The following LSP1 variants were observed in gnomAD, a reference collection of about 807,000 sequenced individuals.
The protein encoded by LSP1 is lymphocyte specific protein 1.
LSP1 carries 32 observed loss-of-function variants against 49.3 expected under a neutral mutation model. The ratio of observed to expected loss-of-function variants is 0.65; its 90% CI spans 0.49 to 0.87. LSP1 has a LOEUF of 0.87. LSP1 is among the 40% of genes least tolerant of loss of function. LSP1 has a pLI of 0.00. For synonymous variants in LSP1, 179 were observed against 178.8 expected, an observed-to-expected ratio of 1.00 and a Z score of -0.01; for missense variants, 428 against 442.6, an observed-to-expected ratio of 0.97 and a Z score of 0.30.
At chr11:1,853,399 G>C (rs1448941540) in intron 1 of LSP1, among the ~76,000 whole-genome samples, 2 of 152,212 alleles carry the variant, frequency 1.3e-5, no homozygotes, top group Non-Finnish European at 2.9e-5. Flanking sequence ...TCACAACAAG[G>C]GTGGAGGTCT....
At chr11:1,887,630 C>T in intron 10 of LSP1, 54 bp downstream of exon 10, 6 of 1,478,698 alleles carry the variant, frequency 4.1e-6, no homozygotes, top group Non-Finnish European at 4.7e-6. Context: ...GTGCACTGTG[C>T]TGGGAACTTG....
chr11:1,887,610 G>T, intron 10 of LSP1, 34 bp downstream of exon 10: 1 of 1,529,186 alleles, frequency 6.5e-7, no homozygotes, highest in Non-Finnish European at 9.0e-7. Context: ...AGGGGATGAG[G>T]TGCACACACG....
At chr11:1,886,953 C>A in intron 8 of LSP1, 87 bp downstream of exon 8, 1 of 1,499,764 alleles carries the variant, frequency 6.7e-7, no homozygotes, top group South Asian at 1.3e-5. Flanking sequence ...TTAAGACAAG[C>A]ATGGGACTGT....
intron 1 of LSP1, among the ~76,000 whole-genome samples, chr11:1,862,710 C>T (rs1208306620): frequency 2.0e-5 from 3 of 149,188 alleles, no homozygotes; most frequent in African/African-American, 5.2e-5. Context: ...GTGATCTCAC[C>T]TCCCCTGGGT....
At chr11:1,854,220 G>A (rs1025188092) in intron 1 of LSP1, among the ~76,000 whole-genome samples, 18 of 152,270 alleles carry the variant, frequency 1.2e-4, no homozygotes, top group Admixed American at 2.0e-4. Context: ...CCTGGTGTGC[G>A]GAAGGGAAGG....
intron 1 of LSP1, among the ~76,000 whole-genome samples, chr11:1,868,481 A>G (rs1361692322): frequency 6.6e-6 from 1 of 152,136 alleles, no homozygotes; most frequent in Non-Finnish European, 1.5e-5. Context: ...ACCCACCCTG[A>G]GCAGCCTGGT....
intron 10 of LSP1, chr11:1,890,125 C>T (rs774529804): frequency 2.9e-4 from 211 of 717,118 alleles, no homozygotes; most frequent in Non-Finnish European, 4.8e-4. Context: ...GCCGAGGCTA[C>T]AACCTGGGGC....
intron 1 of LSP1, among the ~76,000 whole-genome samples, chr11:1,874,008 A>AG: frequency 7.2e-6 from 1 of 139,278 alleles, no homozygotes; most frequent in Non-Finnish European, 1.5e-5. Context: ...CTGGCAGAGC[A>AG]GGGAGGCCGG....
chr11:1,856,736 G>A (rs1847499196), intron 1 of LSP1, among the ~76,000 whole-genome samples: 1 of 152,190 alleles, frequency 6.6e-6, no homozygotes, highest in African/African-American at 2.4e-5. Flanking sequence ...CCCATGGGAT[G>A]GAACCCCCCA....
chr11:1,865,178 C>A, intron 1 of LSP1: 1 of 985,934 alleles, frequency 1.0e-6, no homozygotes, highest in African/African-American at 1.7e-5. Context: ...CAGGCCAGGT[C>A]GCCGCCTGAG....
chr11:1,859,561 T>G (rs938838434), intron 1 of LSP1: 1 of 154,528 alleles, frequency 6.5e-6, no homozygotes, highest in African/African-American at 2.4e-5. Context: ...GGACTTGGGA[T>G]AGAAGGATCT....
At chr11:1,867,566 C>T (rs937715772) in intron 1 of LSP1, among the ~76,000 whole-genome samples, 5 of 152,084 alleles carry the variant, frequency 3.3e-5, no homozygotes, top group South Asian at 2.1e-4. Context: ...GCCACTCAGC[C>T]GGGCATGATG....
chr11:1,874,157 CCGGGGACAGTGGGAGCAGTGT>C lies in LSP1; in HGVS notation c.54-5916_54-5896del, dbSNP rs532950240. Among the ~76,000 whole-genome samples the C allele has an allele frequency of 4.7e-3, 441 of 93,592 alleles. 69 individuals are homozygous for C. The highest frequency in any genetic ancestry group is 6.2e-3 in the Middle Eastern group (1 of 162). The allele number at this position is 93,592 out of a possible 152,430, so 61.4% of individuals were successfully genotyped here. ...GCAGGCCGGGGACAGTGGGGGCAGG[CCGGGGACAGTGGGAGCAGTGT>C]CGGGGACAGTGGGGGCAGGCTGGGG... is the stretch of plus-strand genomic sequence containing the variant. On this transcript the variant is annotated intron_variant, in intron 1 of 10. Transcript: ENST00000311604.
At chr11:1,891,316 T>C (rs540120224) in intron 10 of LSP1, 1 of 151,308 alleles carries the variant, frequency 6.6e-6, no homozygotes, top group Non-Finnish European at 1.5e-5. Flanking sequence ...AGAGGCTCTC[T>C]GGTTTGGGGA....
chr11:1,875,342 T>C (rs1848263716), intron 1 of LSP1, among the ~76,000 whole-genome samples: 1 of 152,098 alleles, frequency 6.6e-6, no homozygotes, highest in Non-Finnish European at 1.5e-5. Context: ...AGGACCTGGG[T>C]GTGGGGATCC....
chr11:1,868,656 T>C, intron 1 of LSP1: 1 of 985,460 alleles, frequency 1.0e-6, no homozygotes, highest in Non-Finnish European at 1.2e-6. Flanking sequence ...GAGGGTGGGG[T>C]AGCCCCCGCC....
intron 1 of LSP1, among the ~76,000 whole-genome samples, chr11:1,855,296 G>A (rs569580976): frequency 3.9e-5 from 6 of 152,312 alleles, no homozygotes; most frequent in African/African-American, 1.4e-4. Context: ...CCCCCACACG[G>A]GAGTCCCCAG....
At chr11:1,857,666 C>T (rs770888577) in intron 1 of LSP1, among the ~76,000 whole-genome samples, 6 of 152,218 alleles carry the variant, frequency 3.9e-5, no homozygotes, top group African/African-American at 7.2e-5. Context: ...GAGTAAGCCG[C>T]ACCCCTCTGA....
intron 1 of LSP1, 52 bp downstream of exon 1, chr11:1,853,249 A>G: frequency 6.3e-7 from 1 of 1,577,742 alleles, no homozygotes; most frequent in Non-Finnish European, 8.6e-7. Flanking sequence ...ACGGGTGCAT[A>G]GTCCTTGAGC....
Sources: gnomAD v4.1 joint callset for allele counts (sites outside exome capture counted in the v4.1 genomes callset) on GRCh38, gnomAD v4.1.1 for gene constraint, MANE v1.5 for transcripts, NCBI Gene and HGNC (gene_info 2026-07-23, HGNC 2026-07-21) for gene names.